The following ARPP19 variants were observed in gnomAD, a reference collection of about 807,000 sequenced individuals.
ARPP19 encodes cAMP-regulated phosphoprotein 19.
In ARPP19, 8 loss-of-function variants were observed where a neutral mutation model predicts 12.0. The observed-to-expected ratio is 0.67, with a 90% confidence interval of 0.39 to 1.21. The LOEUF (loss-of-function observed/expected upper bound fraction) is 1.21. Among genes scored for constraint, ARPP19 ranks in the 50% most tolerant of loss-of-function variants. ARPP19 has a pLI of 0.01. For synonymous variants in ARPP19, 47 were observed against 50.4 expected (o/e 0.93, Z 0.29); for missense variants, 102 against 136.3 (o/e 0.75, Z 1.25).
At chr15:52,554,632 TACACTG>T (rs551582139) in intron 2 of ARPP19, among the ~76,000 whole-genome samples, 40 of 152,276 alleles carry the variant, frequency 2.6e-4, no homozygotes, top group African/African-American at 9.4e-4. Flanking sequence ...CATTTACAAC[TACACTG>T]ACACTAAGTG....
At chr15:52,568,704 G>A (rs1164060127) in intron 1 of ARPP19, 144 bp downstream of exon 1, 3 of 517,746 alleles carry the variant, frequency 5.8e-6, no homozygotes, top group African/African-American at 2.0e-5. Context: ...CAGCGACGGC[G>A]GGAAGCCAAA....
intron 2 of ARPP19, among the ~76,000 whole-genome samples, chr15:52,554,069 G>C (rs1416652620): frequency 6.6e-6 from 1 of 152,206 alleles, no homozygotes; most frequent in African/African-American, 2.4e-5. Context: ...AGCTATTTCT[G>C]AATTTTGTAG....
intron 1 of ARPP19, among the ~76,000 whole-genome samples, chr15:52,563,993 T>C (rs1260801547): frequency 1.3e-5 from 2 of 152,200 alleles, no homozygotes; most frequent in African/African-American, 4.8e-5. Context: ...GCTATAAAGC[T>C]AAGAAACTTT....
intron 2 of ARPP19, 43 bp downstream of exon 2, chr15:52,557,057 T>C (rs745696022): frequency 6.2e-7 from 1 of 1,601,778 alleles, no homozygotes; most frequent in East Asian, 2.2e-5. Context: ...GCATACTGAG[T>C]TTGTAGGGCT....
chr15:52,549,405 A>G lies in ARPP19; in HGVS notation c.*2529T>C, dbSNP rs1355995403. ...AACCTCTCTATCCCAAGCACCAATA[A>G]TGGAGGCTAAGCAATTATACCTACA... On this transcript the variant is annotated 3_prime_UTR_variant, in exon 3 of 3. Coordinates refer to ENST00000249822, the MANE Select transcript of ARPP19 (RefSeq NM_006628.6). 1.3e-5 allele frequency: 2 copies of G among 152,628 alleles called. No individual in the cohort carries two copies. The highest frequency in any genetic ancestry group is 2.9e-5 in the Non-Finnish European group (2 of 68,038). The allele number at this position is 152,628 out of a possible 1,614,324, so 9.5% of individuals were successfully genotyped here.
chr15:52,558,996 T>C (rs2078008416), intron 1 of ARPP19, among the ~76,000 whole-genome samples: 1 of 152,146 alleles, frequency 6.6e-6, no homozygotes, highest in African/African-American at 2.4e-5. Flanking sequence ...CTTCATTCAC[T>C]TTATATATTA....
intron 2 of ARPP19, 122 bp from the exon 3 acceptor site, chr15:52,552,226 T>G: frequency 1.6e-6 from 1 of 631,436 alleles, no homozygotes; most frequent in Non-Finnish European, 2.8e-6. Flanking sequence ...GAATATTAAT[T>G]AGATGAAATA....
At chr15:52,553,026 G>C (rs1487121494) in intron 2 of ARPP19, among the ~76,000 whole-genome samples, 1 of 151,234 alleles carries the variant, frequency 6.6e-6, no homozygotes, top group East Asian at 2.0e-4. Context: ...GCAGAGAGCT[G>C]AGATTGTGCC....
At chr15:52,554,094 C>T (rs2077960149) in intron 2 of ARPP19, among the ~76,000 whole-genome samples, 1 of 152,164 alleles carries the variant, frequency 6.6e-6, no homozygotes, top group South Asian at 2.1e-4. Context: ...TAGAGGAGAA[C>T]AAAGCAGCCT....
At position 52,567,647 on chromosome 15, in the gene ARPP19, T is replaced by A. The variant is rs552053255; in HGVS notation, c.45+1201A>T. ...TTTTTTGGTAATGCGTAAATATATCTATTTTCACGGGATATTCTCAAATAA... is the reference window on the plus strand; with the variant it reads ...TTTTTTGGTAATGCGTAAATATATCAATTTTCACGGGATATTCTCAAATAA... On this transcript the variant is annotated intron_variant, in intron 1 of 2. Coordinates refer to ENST00000249822, the MANE Select transcript of ARPP19 (RefSeq NM_006628.6). Among the ~76,000 whole-genome samples the A allele has an allele frequency of 2.3e-3, 344 of 152,354 alleles. 1 individual carries two copies. Among genetic ancestry groups the A allele is most frequent in the Middle Eastern group, 6.8e-3 (2 of 294 alleles).
intron 1 of ARPP19, among the ~76,000 whole-genome samples, chr15:52,559,291 TA>T (rs2078011110): frequency 6.6e-6 from 1 of 152,112 alleles, no homozygotes; most frequent in African/African-American, 2.4e-5. Context: ...TCCAGAGAGG[TA>T]AGTGTGAGGT....
In ARPP19 at chr15:52,547,136, T is replaced by C. The variant is rs1228060038; in HGVS notation, c.*4798A>G. 6 of 151,634 alleles carry C rather than the reference T, an allele frequency of 4.0e-5. No homozygotes were observed. 9.4% of individuals were successfully genotyped at this position (151,634 alleles called of 1,614,324 possible). On this transcript the variant is annotated 3_prime_UTR_variant, in exon 3 of 3. Transcript: ENST00000249822. ...AAATCAAAGATTACAAGTCAGTTTC[T>C]TCCTGCATACAGTAATAGCTGAAAT... is the stretch of plus-strand genomic sequence containing the variant.
chr15:52,551,948 T>C lies in ARPP19; in HGVS notation c.325A>G (p.Lys109Glu), dbSNP rs960123828. 1 of 1,612,932 alleles carries C rather than the reference T, an allele frequency of 6.2e-7. No individual in the cohort carries two copies. The highest frequency in any genetic ancestry group is 1.3e-5 in the African/African-American group (1 of 74,894). ...PQRKPSLVAS[K>E]LAG ...CAGCCTCTTAATCAGCCAGCCAGCT[T>C]GCTAGCAACAAGGGACGGCTTCCGT... Residue 109 changes from lysine to glutamate, a missense_variant, in exon 3 of 3, where the codon AAG (lysine) becomes GAG (glutamate). Coordinates refer to ENST00000249822, the MANE Select transcript of ARPP19 (RefSeq NM_006628.6).
chr15:52,568,683 G>C (rs994409375), intron 1 of ARPP19, 165 bp downstream of exon 1: 11 of 495,224 alleles, frequency 2.2e-5, no homozygotes, highest in African/African-American at 1.6e-4. Flanking sequence ...CCAATTCGTC[G>C]GCGCACCAGC....
At chr15:52,563,104 G>GAC (rs1477446494) in intron 1 of ARPP19, among the ~76,000 whole-genome samples, 1 of 152,008 alleles carries the variant, frequency 6.6e-6, no homozygotes, top group East Asian at 1.9e-4. Flanking sequence ...TTGAACTCCT[G>GAC]ACCTCGTGAT....
intron 1 of ARPP19, among the ~76,000 whole-genome samples, chr15:52,566,144 G>A (rs1419576069): frequency 2.0e-5 from 3 of 151,480 alleles, no homozygotes; most frequent in Non-Finnish European, 4.4e-5. Context: ...GTGAGCCACC[G>A]TGCCCGGCCA....
At position 52,548,078 on chromosome 15, in the gene ARPP19, A is replaced by G. The variant is rs2077894350; in HGVS notation, c.*3856T>C. ...ATCACCCAAACACCAATTTTAGAGC[A>G]GAGGAGCAGTAATCCCCTTTATCTG... On this transcript the variant is annotated 3_prime_UTR_variant, in exon 3 of 3. Coordinates refer to ENST00000249822, the MANE Select transcript of ARPP19 (RefSeq NM_006628.6). The G allele has an allele frequency of 6.6e-6, 1 of 152,258 alleles. No homozygotes were observed. Among genetic ancestry groups the G allele is most frequent in the Admixed American group, 6.5e-5 (1 of 15,284 alleles). The allele number at this position is 152,258 out of a possible 1,614,324, so 9.4% of individuals were successfully genotyped here.
Position 52,547,454 on chromosome 15 carries a change from T to G in ARPP19, c.*4480A>C, listed in dbSNP as rs1054047782. The stretch of plus-strand genomic sequence containing the variant: ...CAAGTGCTAGTGATGCAGTAACAGA[T>G]CCAAGGGCATAATATTAAATATGTT... On this transcript the variant is annotated 3_prime_UTR_variant, in exon 3 of 3. Coordinates refer to ENST00000249822, the MANE Select transcript of ARPP19 (RefSeq NM_006628.6). 6.6e-6 allele frequency: 1 copy of G among 152,178 alleles called. No individual in the cohort carries two copies. The highest frequency in any genetic ancestry group is 6.5e-5 in the Admixed American group (1 of 15,284). The allele number at this position is 152,178 out of a possible 1,614,324, so 9.4% of individuals were successfully genotyped here. A position where few individuals can be genotyped will look rare whatever the true frequency, so the allele number is the denominator to read the frequency against.
upstream of ARPP19, chr15:52,569,247 A>C (rs2140262762): frequency 6.4e-6 from 2 of 314,802 alleles, no homozygotes; most frequent in Non-Finnish European, 1.2e-5. Flanking sequence ...TCTAAGTGGA[A>C]CCGCCCCTCC....
Sources: gnomAD v4.1 joint callset for allele counts (sites outside exome capture counted in the v4.1 genomes callset) on GRCh38, gnomAD v4.1.1 for gene constraint, MANE v1.5 for transcripts, NCBI Gene and HGNC (gene_info 2026-07-23, HGNC 2026-07-21) for gene names.